PPM1A: variants seen among roughly 807,000 people sequenced by gnomAD.
PPM1A encodes the protein protein phosphatase, Mg2+/Mn2+ dependent 1A.
In PPM1A, 7 loss-of-function variants were observed where a neutral mutation model predicts 35.0. The ratio of observed to expected loss-of-function variants is 0.20; its 90% confidence interval spans 0.11 to 0.38. The LOEUF (loss-of-function observed/expected upper bound fraction) is 0.38, where lower values mean the gene tolerates loss of function less well. Among genes scored for constraint, PPM1A ranks in the 10% least tolerant of loss-of-function variants. The probability of loss-of-function intolerance (pLI) is 1.00; values close to 1 mark genes in which losing one functional copy is unlikely to be tolerated. For synonymous variants in PPM1A, 153 were observed against 167.3 expected, an observed-to-expected ratio of 0.91 and a Z score of 0.66; for missense variants, 239 against 467.8, an observed-to-expected ratio of 0.51 and a Z score of 4.51.
Position 60,289,582 on chromosome 14 carries a change from CATTTT to C in PPM1A, c.953-222_953-218del, listed in dbSNP as rs1165794968. ...TGATTTAACATGAAATATTTTTTCA[CATTTT>C]AATTTTGATTTGAAGTTAATCTTAT... is the stretch of plus-strand genomic sequence containing the variant. On this transcript the variant is annotated intron_variant, in intron 3 of 5. Coordinates refer to ENST00000395076, the MANE Select transcript of PPM1A (RefSeq NM_021003.5). The surrounding 1 kb of genome is among the most constrained non-coding windows in gnomAD (Gnocchi z 4.1). Among the ~76,000 whole-genome samples the C allele has an allele frequency of 3.3e-5, 5 of 151,832 alleles. No homozygotes were observed. The highest frequency in any genetic ancestry group is 7.4e-5 in the Non-Finnish European group (5 of 67,924).
chr14:60,283,403 A>G lies in PPM1A; in HGVS notation c.700A>G (p.Ile234Val), dbSNP rs750341699. 3 of 1,614,244 alleles carry G rather than the reference A, an allele frequency of 1.9e-6. No individual in the cohort carries two copies. Among genetic ancestry groups the G allele is most frequent in the South Asian group, 1.1e-5 (1 of 91,086 alleles). The change falls in exon 2 of 6, where the codon ATT becomes GTT. Residue 234 changes from isoleucine (I) to valine (V), a missense_variant. Physicochemically the swap from Ile to Val is conservative, Grantham distance 29. This residue lies in a region of PPM1A where 175 missense variants were observed against 389.2 expected (regional missense o/e 0.45). Transcript: ENST00000395076. This position sits in a 1 kb window ranked among gnomAD's most constrained non-coding sequence, Gnocchi z 6.3. Reference sequence around the variant, plus strand: ...AAGATCTGAAGAAGATGATCAGTTCATTATCCTTGCATGTGATGGTATCTG... The same window carrying G: ...AAGATCTGAAGAAGATGATCAGTTCGTTATCCTTGCATGTGATGGTATCTG... ...IERSEEDDQF[I>V]ILACDGIWDV... is the part of the protein sequence containing the mutation.
In PPM1A at chr14:60,289,837, C is replaced by T. The variant is rs150895538; in HGVS notation, c.984C>T (p.Pro328=). 43 of 1,606,720 alleles carry T rather than the reference C, an allele frequency of 2.7e-5. No homozygotes were observed. The African/African-American group carries it at 3.4e-4, about 13-fold the overall frequency. Residue 328 remains proline, a synonymous_variant, in exon 4 of 6, where the codon CCC becomes CCT. Transcript: ENST00000395076. The surrounding 1 kb of genome is among the most constrained non-coding windows in gnomAD (Gnocchi z 4.1). ...EIIKKQGEGV[P]DLVHVMRTLA... ...TAAAGAAGCAGGGGGAAGGCGTCCC[C>T]GACTTAGTCCATGTGATGCGCACAT...
rs990221193 is a variant in PPM1A, at chr14:60,289,971, A to G, written c.1061+57A>G. 14 of 1,178,186 alleles carry G rather than the reference A, an allele frequency of 1.2e-5. No homozygotes were observed. The highest frequency in any genetic ancestry group is 4.9e-5 in the African/African-American group (3 of 61,686). 73.0% of individuals were successfully genotyped at this position (1,178,186 alleles called of 1,614,324 possible). A position where few individuals can be genotyped will look rare whatever the true frequency, so the allele number is the denominator to read the frequency against. On this transcript the variant is annotated intron_variant, in intron 4 of 5. Transcript: ENST00000395076. The surrounding 1 kb of genome is among the most constrained non-coding windows in gnomAD (Gnocchi z 4.1). ...ATGTCAGTGTATGAAAATGTTAGGT[A>G]TTCATTGATAAAATGTTTGTTTGCC...
chr14:60,286,039 G>A (rs1455547990), intron 3 of PPM1A: 1 of 1,028,246 alleles, frequency 9.7e-7, no homozygotes, highest in Non-Finnish European at 1.2e-6. Flanking sequence ...ACTGGCATGA[G>A]TAATTTTATG....
rs1207734693 is a variant in PPM1A, at chr14:60,289,571, A to G, written c.953-235A>G. Among the ~76,000 whole-genome samples the G allele has an allele frequency of 6.6e-6, 1 of 152,088 alleles. No individual in the cohort carries two copies. The highest frequency in any genetic ancestry group is 1.5e-5 in the Non-Finnish European group (1 of 68,008). On this transcript the variant is annotated intron_variant, in intron 3 of 5. Coordinates refer to ENST00000395076, the MANE Select transcript of PPM1A (RefSeq NM_021003.5). This position sits in a 1 kb window ranked among gnomAD's most constrained non-coding sequence, Gnocchi z 4.1. ...ATATAATATGCTGATTTAACATGAAATATTTTTTCACATTTTAATTTTGAT... is the reference window on the plus strand; with the variant it reads ...ATATAATATGCTGATTTAACATGAAGTATTTTTTCACATTTTAATTTTGAT...
chr14:60,272,281 T>C (rs567806616), intron 1 of PPM1A, among the ~76,000 whole-genome samples: 2 of 152,260 alleles, frequency 1.3e-5, no homozygotes, highest in East Asian at 3.9e-4. Context: ...TGAAATATAA[T>C]GAGTAGATAC....
intron 4 of PPM1A, among the ~76,000 whole-genome samples, chr14:60,290,631 CAAGTG>C (rs1427381626): frequency 6.6e-6 from 1 of 152,118 alleles, no homozygotes; most frequent in African/African-American, 2.4e-5. Flanking sequence ...GCTAAAACTA[CAAGTG>C]AAGACTTCTT....
chr14:60,267,262 C>T (rs929578120), intron 1 of PPM1A: 3 of 152,006 alleles, frequency 2.0e-5, no homozygotes, highest in African/African-American at 7.2e-5. Flanking sequence ...GGGAATTGTT[C>T]TAGTACTGAG....
chr14:60,248,223 G>A (rs538166845), upstream of PPM1A, among the ~76,000 whole-genome samples: 2 of 152,308 alleles, frequency 1.3e-5, no homozygotes, highest in South Asian at 4.1e-4. Context: ...CCGCTGGCAC[G>A]TGCAGTTTCT....
intron 3 of PPM1A, chr14:60,288,297 T>C: frequency 2.1e-6 from 2 of 961,668 alleles, no homozygotes; most frequent in Non-Finnish European, 2.5e-6. Flanking sequence ...TTCAAGGTAA[T>C]GTTTTTTAGA....
chr14:60,278,786 T>C (rs1319444001), intron 1 of PPM1A, among the ~76,000 whole-genome samples: 2 of 152,250 alleles, frequency 1.3e-5, no homozygotes, highest in Non-Finnish European at 2.9e-5. Flanking sequence ...GTTCAGCATA[T>C]TGTCTTCTTT....
chr14:60,285,581 G>A (rs1326109361), intron 2 of PPM1A, 43 bp from the exon 3 acceptor site: 13 of 1,594,812 alleles, frequency 8.2e-6, no homozygotes, highest in Admixed American at 5.1e-5. Flanking sequence ...GCTTTGAAGA[G>A]CAAAAAGAAA....
intron 1 of PPM1A, among the ~76,000 whole-genome samples, chr14:60,251,066 A>C (rs1882349342): frequency 6.6e-6 from 1 of 152,262 alleles, no homozygotes; most frequent in Non-Finnish European, 1.5e-5. Context: ...GCACAAAGTA[A>C]CATTTCCTAG....
intron 1 of PPM1A, among the ~76,000 whole-genome samples, chr14:60,257,837 C>G (rs1165313065): frequency 6.6e-6 from 1 of 151,936 alleles, no homozygotes; most frequent in African/African-American, 2.4e-5. Context: ...TTTGTTTTTC[C>G]AAACAGAATC....
At position 60,285,605 on chromosome 14, in the gene PPM1A, C is replaced by G; in HGVS notation, c.835-19C>G. The G allele has an allele frequency of 1.9e-6, 3 of 1,610,500 alleles. No homozygotes were observed. Among genetic ancestry groups the G allele is most frequent in the Non-Finnish European group, 1.7e-6 (2 of 1,178,296 alleles). ...AGCAAAAAGAAAACTAAAATATTCT[C>G]AAATTTTTTTCTTCCCAGGGAAGTC... On this transcript the variant is annotated intron_variant, in intron 2 of 5. Coordinates refer to ENST00000395076, the MANE Select transcript of PPM1A (RefSeq NM_021003.5).
intron 1 of PPM1A, among the ~76,000 whole-genome samples, chr14:60,274,999 G>A (rs554896753): frequency 6.7e-6 from 1 of 148,966 alleles, no homozygotes; most frequent in East Asian, 2.0e-4. Context: ...ATTACAATTA[G>A]TTCACTGTTG....
intron 1 of PPM1A, among the ~76,000 whole-genome samples, chr14:60,280,883 T>A (rs1465837498): frequency 1.3e-5 from 2 of 152,212 alleles, no homozygotes; most frequent in Non-Finnish European, 2.9e-5. Context: ...TGCACAGCCA[T>A]GGTAGAGACC....
intron 1 of PPM1A, among the ~76,000 whole-genome samples, chr14:60,270,823 A>G (rs915829853): frequency 6.6e-6 from 1 of 152,296 alleles, no homozygotes. Flanking sequence ...GTCTTTCTTG[A>G]TTTGTCTCTT....
chr14:60,283,662 C>A lies in PPM1A; in HGVS notation c.834+125C>A. ...TTTGGCACAACTGTAGGATACTGTT[C>A]ACCAATTATGAAAATATATCATAGG... is the stretch of plus-strand genomic sequence containing the variant. On this transcript the variant is annotated intron_variant, in intron 2 of 5. Coordinates refer to ENST00000395076, the MANE Select transcript of PPM1A (RefSeq NM_021003.5). This position sits in a 1 kb window ranked among gnomAD's most constrained non-coding sequence, Gnocchi z 6.3. 1.1e-6 allele frequency: 1 copy of A among 903,506 alleles called. No homozygotes were observed. The highest frequency in any genetic ancestry group is 1.6e-6 in the Non-Finnish European group (1 of 611,628). The allele number at this position is 903,506 out of a possible 1,614,324, so 56.0% of individuals were successfully genotyped here.
Sources: gnomAD v4.1 joint callset for allele counts (sites outside exome capture counted in the v4.1 genomes callset) on GRCh38, gnomAD v4.1.1 for gene constraint, gnomAD v4.1.1 regional missense constraint, Gnocchi (gnomAD v3.1) non-coding constraint, MANE v1.5 for transcripts, NCBI Gene and HGNC (gene_info 2026-07-23, HGNC 2026-07-21) for gene names.